The following F8 variants were observed in gnomAD, a reference collection of about 807,000 sequenced individuals.
The protein encoded by F8 is antihemophilic factor.
F8 carries 12 observed loss-of-function variants against 140.6 expected under a neutral mutation model. The observed-to-expected ratio is 0.09, with a 90% CI of 0.05 to 0.14. The LOEUF (loss-of-function observed/expected upper bound fraction) is 0.14, where lower values mean the gene tolerates loss of function less well. F8 is among the 10% of genes least tolerant of loss of function. The pLI, the probability that F8 is intolerant of heterozygous loss-of-function variation, is 1.00. For missense variants in F8, 1,354 were observed against 1,720.7 expected, an observed-to-expected ratio of 0.79 and a Z score of 3.77; for synonymous variants, 585 against 614.6, an observed-to-expected ratio of 0.95 and a Z score of 0.71.
intron 22 of F8, among the ~76,000 whole-genome samples, chrX:154,879,565 C>A (rs965172670): frequency 1.8e-5 from 2 of 112,098 alleles, no homozygotes; most frequent in Non-Finnish European, 3.8e-5. Context: ...TTTGGCTTTA[C>A]GTTATATGAT....
Position 154,863,375 on chromosome X carries a change from T to G in F8, c.6430-148A>C, listed in dbSNP as rs1557273004. ...AAGACAACTATGGTTAGATGGATGT[T>G]ACGATGGTAGACACAAAGGAGGAAA... On this transcript the variant is annotated intron_variant, in intron 22 of 25. Transcript: ENST00000360256. 5.6e-6 allele frequency: 3 copies of G among 535,705 alleles called. No individual in the cohort carries two copies. In the East Asian group the frequency reaches 1.1e-4, roughly 19 times the overall value. The allele number at this position is 535,705 out of a possible 1,213,427, so 44.1% of individuals were successfully genotyped here. A position where few individuals can be genotyped will look rare whatever the true frequency, so the allele number is the denominator to read the frequency against.
chrX:154,839,363 ATT>A (rs782394922), intron 25 of F8, among the ~76,000 whole-genome samples: 19 of 95,323 alleles, frequency 2.0e-4, no homozygotes, highest in Admixed American at 6.9e-4. Flanking sequence ...TTCTGCCTCA[ATT>A]TTTTTTTTTT....
intron 22 of F8, among the ~76,000 whole-genome samples, chrX:154,873,249 CAG>C (rs1489503037): frequency 9.9e-6 from 1 of 100,830 alleles, no homozygotes; most frequent in African/African-American, 3.7e-5. Context: ...TTTTTTGAGA[CAG>C]AGTCTTGCTC....
Position 154,929,315 on chromosome X carries a change from T to G in F8, c.4475A>C (p.Lys1492Thr), listed in dbSNP as rs1557278407. 1 of 1,212,106 alleles carries G rather than the reference T, an allele frequency of 8.3e-7. No individual in the cohort carries two copies. Among genetic ancestry groups the G allele is most frequent in the Non-Finnish European group, 1.1e-6 (1 of 895,595 alleles). ...GTSATNSVTYKKVENTVLPKP... is the reference protein window; with the variant it reads ...GTSATNSVTYTKVENTVLPKP... Reference sequence around the variant, plus strand: ...CGGGAGAACAGTGTTCTCAACTTTCTTGTATGTGACTGAATTTGTGGCACT... The same window carrying G: ...CGGGAGAACAGTGTTCTCAACTTTCGTGTATGTGACTGAATTTGTGGCACT... Residue 1492 changes from lysine (K) to threonine (T), a missense_variant, in exon 14 of 26, where the codon AAG (lysine) becomes ACG (threonine). Lys to Thr is a moderately conservative substitution (Grantham distance 78). Around this residue, in one of 4 missense-constraint regions of F8, gnomAD observed 658 missense variants for 666.5 expected, o/e 0.99. Coordinates refer to ENST00000360256, the MANE Select transcript of F8 (RefSeq NM_000132.4).
chrX:154,965,921 C>T, intron 9 of F8, 49 bp downstream of exon 9: 1 of 1,171,985 alleles, frequency 8.5e-7, no homozygotes. Flanking sequence ...ACTCAAAACT[C>T]TCCAGACTTT....
chrX:154,869,920 C>A, intron 22 of F8, among the ~76,000 whole-genome samples: 1 of 112,223 alleles, frequency 8.9e-6, no homozygotes, highest in Non-Finnish European at 1.9e-5. Flanking sequence ...ATAAACACGT[C>A]TATGCAGATA....
chrX:154,959,676 C>T (rs1249050676), intron 10 of F8, among the ~76,000 whole-genome samples: 14 of 111,311 alleles, frequency 1.3e-4, no homozygotes, highest in Non-Finnish European at 2.5e-4. Flanking sequence ...CTCCCTATTT[C>T]CCCCTCCCCT....
At chrX:154,965,516 G>A (rs28370209) in intron 9 of F8, among the ~76,000 whole-genome samples, 5 of 111,093 alleles carry the variant, frequency 4.5e-5, no homozygotes, top group African/African-American at 1.6e-4. Flanking sequence ...AAATTTGTGA[G>A]CCCTATCTAG....
At chrX:154,998,530 T>A (rs1357907610) in intron 2 of F8, among the ~76,000 whole-genome samples, 1 of 112,597 alleles carries the variant, frequency 8.9e-6, no homozygotes, top group African/African-American at 3.2e-5. Flanking sequence ...TATGAGTTAT[T>A]TGGAGACCTC....
intron 12 of F8, among the ~76,000 whole-genome samples, chrX:154,948,288 G>T (rs969826594): frequency 1.8e-5 from 2 of 111,375 alleles, no homozygotes; most frequent in Non-Finnish European, 3.8e-5. Context: ...GTAGTTACTT[G>T]TACTAGATCC....
intron 13 of F8, among the ~76,000 whole-genome samples, chrX:154,942,838 C>A (rs1406446828): frequency 9.4e-6 from 1 of 105,994 alleles, no homozygotes; most frequent in Non-Finnish European, 1.9e-5. Context: ...TGGGCTTCAT[C>A]CCTGGGATGC....
At position 154,982,868 on chromosome X, in the gene F8, G is replaced by A. The variant is rs186988196; in HGVS notation, c.787+1819C>T. Reference sequence around the variant, plus strand: ...AAGTACTCCCAAGAAGCAGAGAAAAGTATAAATAACATTTTCCTTTCTCTA... The same window carrying A: ...AAGTACTCCCAAGAAGCAGAGAAAAATATAAATAACATTTTCCTTTCTCTA... On this transcript the variant is annotated intron_variant, in intron 6 of 25. Transcript: ENST00000360256. Among the ~76,000 whole-genome samples the A allele has an allele frequency of 8.5e-3, 957 of 112,326 alleles. 10 individuals are homozygous for A. The highest frequency in any genetic ancestry group is 0.03 in the African/African-American group (915 of 30,901).
chrX:154,955,198 C>T, intron 11 of F8, among the ~76,000 whole-genome samples: 1 of 51,927 alleles, frequency 1.9e-5, no homozygotes, highest in South Asian at 1.5e-3. Flanking sequence ...TTTTTTGAGA[C>T]AGGGTGTCGC....
Position 154,904,358 on chromosome X carries a change from C to T in F8, c.5753G>A (p.Cys1918Tyr). 1.7e-6 allele frequency: 2 copies of T among 1,211,629 alleles called. No individual in the cohort carries two copies. Among genetic ancestry groups the T allele is most frequent in the African/African-American group, 1.7e-5 (1 of 57,792 alleles). Residue 1918 changes from cysteine to tyrosine, a missense_variant, in exon 17 of 26, where the codon TGC (cysteine) becomes TAC (tyrosine). Physicochemically the swap from Cys to Tyr is radical, Grantham distance 194. This residue lies in a region of F8 where 316 missense variants were observed against 485.4 expected (regional missense o/e 0.65). Transcript: ENST00000360256. ...WYFTENMERN[C>Y]RAPCNIQMED... ...CATCTGGATATTGCAGGGAGCCCTG[C>T]AGTTTCTTTCCATATTTTCAGTGAA...
At chrX:154,839,241 T>A (rs2072498989) in intron 25 of F8, among the ~76,000 whole-genome samples, 1 of 109,618 alleles carries the variant, frequency 9.1e-6, no homozygotes, top group Non-Finnish European at 1.9e-5. Flanking sequence ...AAATACCACC[T>A]CTTAAACTAA....
chrX:154,899,225 A>T (rs2148584728), intron 21 of F8, among the ~76,000 whole-genome samples: 1 of 111,990 alleles, frequency 8.9e-6, no homozygotes, highest in African/African-American at 3.2e-5. Context: ...ATGGAAACCA[A>T]AATGTTTTCT....
In F8 at chrX:154,929,666, T is replaced by C; in HGVS notation, c.4124A>G (p.Asp1375Gly). Residue 1375 changes from aspartate (D) to glycine (G), a missense_variant, in exon 14 of 26, where the codon GAC becomes GGC. By Grantham distance (94) the Asp-to-Gly change is moderately conservative. Around this residue, in one of 4 missense-constraint regions of F8, gnomAD observed 658 missense variants for 666.5 expected, o/e 0.99. Coordinates refer to ENST00000360256, the MANE Select transcript of F8 (RefSeq NM_000132.4). ...GGCCCCTTTCTCCTTCTCATTGTAGTCTATCTGTGTGAGGGTGCTCGGGGT... is the reference window on the plus strand; with the variant it reads ...GGCCCCTTTCTCCTTCTCATTGTAGCCTATCTGTGTGAGGGTGCTCGGGGT... ...HLTPSTLTQI[D>G]YNEKEKGAIT... 2 of 1,209,905 alleles carry C rather than the reference T, an allele frequency of 1.7e-6. No individual in the cohort carries two copies. Among genetic ancestry groups the C allele is most frequent in the Non-Finnish European group, 2.2e-6 (2 of 894,443 alleles).
At chrX:154,959,446 G>C (rs782287910) in intron 10 of F8, among the ~76,000 whole-genome samples, 4 of 111,841 alleles carry the variant, frequency 3.6e-5, no homozygotes, top group East Asian at 2.8e-4. Context: ...AAGCTGAAAG[G>C]CCTAAGAAAT....
intron 22 of F8, among the ~76,000 whole-genome samples, chrX:154,864,573 A>G (rs782186608): frequency 1.8e-5 from 2 of 112,699 alleles, no homozygotes; most frequent in Non-Finnish European, 3.7e-5. Flanking sequence ...AAGACGACTA[A>G]CAAAATGAGG....
Sources: allele counts gnomAD v4.1 joint callset (sites outside exome capture counted in the v4.1 genomes callset), GRCh38; gene constraint gnomAD v4.1.1; regional missense constraint gnomAD v4.1.1; transcripts MANE v1.5; gene names NCBI Gene and HGNC (gene_info 2026-07-23, HGNC 2026-07-21).